XXYLT1: variants seen among roughly 807,000 people sequenced by gnomAD.
XXYLT1 encodes the protein UDP-xylose:alpha-xyloside alpha-1,3-xylosyltransferase.
XXYLT1 carries 20 observed loss-of-function variants against 28.9 expected under a neutral mutation model. That is an observed-to-expected ratio of 0.69 (90% CI 0.49 to 1.00). XXYLT1 has a LOEUF of 1.00. Ranked by LOEUF, XXYLT1 falls within the 50% of genes least tolerant of loss-of-function variation. The probability of loss-of-function intolerance (pLI) is 0.00; values close to 1 mark genes in which losing one functional copy is unlikely to be tolerated. For missense variants in XXYLT1, 542 were observed against 560.1 expected, an observed-to-expected ratio of 0.97 and a Z score of 0.33; for synonymous variants, 257 against 253.8, an observed-to-expected ratio of 1.01 and a Z score of -0.12.
chr3:195,210,060 C>T lies in XXYLT1; in HGVS notation c.652+16649G>A, dbSNP rs902724911. 4.0e-5 allele frequency among the ~76,000 whole-genome samples: 6 copies of T among 151,608 alleles called. 1 individual carries two copies. The highest frequency in any genetic ancestry group is 3.9e-4 in the East Asian group (2 of 5,182). ...GACACCATCTGGGCAGCAGCAGCTG[C>T]AGTCCAGGCTGAGGCCCCGGCCGCC... On this transcript the variant is annotated intron_variant, in intron 2 of 3. Coordinates refer to ENST00000310380, the MANE Select transcript of XXYLT1 (RefSeq NM_152531.5). This position sits in a 1 kb window ranked among gnomAD's most constrained non-coding sequence, Gnocchi z 4.8.
chr3:195,162,253 C>A (rs895819075), intron 2 of XXYLT1, among the ~76,000 whole-genome samples: 8 of 152,202 alleles, frequency 5.3e-5, no homozygotes, highest in African/African-American at 1.9e-4. Context: ...CCCTGCCTTC[C>A]GGGCTCCTGG....
chr3:195,207,575 C>T (rs1723128545), intron 2 of XXYLT1: 2 of 429,772 alleles, frequency 4.7e-6, no homozygotes, highest in Admixed American at 2.5e-5. Flanking sequence ...CCAAAGGTGC[C>T]GCCTCCTTGG....
At chr3:195,084,997 C>T (rs190469172) in intron 3 of XXYLT1, among the ~76,000 whole-genome samples, 17 of 152,270 alleles carry the variant, frequency 1.1e-4, no homozygotes, top group African/African-American at 4.1e-4. Context: ...TCCAGACCCT[C>T]GAAATGCCAA....
At position 195,069,045 on chromosome 3, in the gene XXYLT1, G is replaced by C. The variant is rs1386138963; in HGVS notation, c.*670C>G. 6.6e-6 allele frequency: 1 copy of C among 152,188 alleles called. No homozygotes were observed. Among genetic ancestry groups the C allele is most frequent in the Non-Finnish European group, 1.5e-5 (1 of 68,058 alleles). The allele number at this position is 152,188 out of a possible 1,614,324, so 9.4% of individuals were successfully genotyped here. A position where few individuals can be genotyped will look rare whatever the true frequency, so the allele number is the denominator to read the frequency against. On this transcript the variant is annotated 3_prime_UTR_variant, in exon 4 of 4. Coordinates refer to ENST00000310380, the MANE Select transcript of XXYLT1 (RefSeq NM_152531.5). ...ACAATGGGGTTCTAGGATGTAGCTG[G>C]GAGATACAAGCTGTGAGTACTCTAA...
chr3:195,154,788 C>G (rs1474900030), intron 3 of XXYLT1, among the ~76,000 whole-genome samples: 1 of 152,230 alleles, frequency 6.6e-6, no homozygotes, highest in African/African-American at 2.4e-5. Context: ...TTTTAATAAA[C>G]TTTCTCTCCT....
chr3:195,139,532 C>G (rs1191999228), intron 3 of XXYLT1, among the ~76,000 whole-genome samples: 1 of 152,244 alleles, frequency 6.6e-6, no homozygotes, highest in African/African-American at 2.4e-5. Context: ...CGCTCAGCTG[C>G]AGGCATGGGG....
intron 1 of XXYLT1, among the ~76,000 whole-genome samples, chr3:195,268,647 A>T (rs915232085): frequency 6.6e-6 from 1 of 151,656 alleles, no homozygotes; most frequent in Non-Finnish European, 1.5e-5. Flanking sequence ...CAGGACTGAT[A>T]ACCCCTTATC....
Position 195,212,203 on chromosome 3 carries a change from G to A in XXYLT1, c.652+14506C>T, listed in dbSNP as rs372535927. ...CCACCGGGAGAGTGGCCCAGGTGGA[G>A]GGAGCAGGAAGCGGGGGTGGCCACG... On this transcript the variant is annotated intron_variant, in intron 2 of 3. Coordinates refer to ENST00000310380, the MANE Select transcript of XXYLT1 (RefSeq NM_152531.5). Among the ~76,000 whole-genome samples the A allele has an allele frequency of 2.1e-3, 314 of 152,340 alleles. 2 individuals are homozygous for A. The highest frequency in any genetic ancestry group is 7.4e-3 in the African/African-American group (306 of 41,574).
intron 2 of XXYLT1, among the ~76,000 whole-genome samples, chr3:195,165,430 AC>A (rs1449598031): frequency 2.0e-5 from 3 of 152,152 alleles, no homozygotes; most frequent in Non-Finnish European, 4.4e-5. Flanking sequence ...ACCCCCAGCC[AC>A]AGCGCCTGAC....
intron 3 of XXYLT1, among the ~76,000 whole-genome samples, chr3:195,141,718 A>C (rs1189272092): frequency 6.6e-6 from 1 of 152,168 alleles, no homozygotes; most frequent in Non-Finnish European, 1.5e-5. Flanking sequence ...ATGCTCTGGG[A>C]ATCTAACGTG....
chr3:195,139,037 G>A (rs535526277), intron 3 of XXYLT1, among the ~76,000 whole-genome samples: 1 of 151,666 alleles, frequency 6.6e-6, no homozygotes, highest in South Asian at 2.1e-4. Flanking sequence ...AAAGTACAAG[G>A]GGAGCTGGTG....
chr3:195,157,345 T>G (rs1349862032), intron 2 of XXYLT1, among the ~76,000 whole-genome samples: 1 of 151,658 alleles, frequency 6.6e-6, no homozygotes, highest in African/African-American at 2.4e-5. Flanking sequence ...AAAAACATTA[T>G]GGTCTCAGGC....
intron 1 of XXYLT1, among the ~76,000 whole-genome samples, chr3:195,253,117 C>G (rs1021465584): frequency 2.6e-5 from 4 of 152,174 alleles, no homozygotes; most frequent in Non-Finnish European, 5.9e-5. Flanking sequence ...CCCAGCTGCC[C>G]GCTTTTCTCC....
chr3:195,179,530 C>G (rs751472302), intron 2 of XXYLT1, among the ~76,000 whole-genome samples: 3 of 152,030 alleles, frequency 2.0e-5, no homozygotes, highest in Non-Finnish European at 4.4e-5. Context: ...TATTTACACT[C>G]AACTTGAACA....
At chr3:195,157,080 TA>T (rs1306883394) in intron 2 of XXYLT1, among the ~76,000 whole-genome samples, 6 of 151,760 alleles carry the variant, frequency 4.0e-5, no homozygotes, top group African/African-American at 1.5e-4. Flanking sequence ...CTGTCTCTAC[TA>T]AAAATACAAA....
At chr3:195,253,688 G>A (rs1560177095) in intron 1 of XXYLT1, among the ~76,000 whole-genome samples, 1 of 151,740 alleles carries the variant, frequency 6.6e-6, no homozygotes, top group South Asian at 2.1e-4. Context: ...TAGTAGAGAC[G>A]GGGTTTCACT....
chr3:195,149,349 C>T (rs535477572), intron 3 of XXYLT1, among the ~76,000 whole-genome samples: 18 of 152,276 alleles, frequency 1.2e-4, no homozygotes, highest in African/African-American at 4.3e-4. Context: ...GGGGGGGCAA[C>T]AGGAGGAAAG....
rs150923058 is a variant in XXYLT1 at position 195,264,473 on chromosome 3, C to A, written c.504+6082G>T. 2.6e-3 allele frequency among the ~76,000 whole-genome samples: 392 copies of A among 152,358 alleles called. 1 individual carries two copies. Among genetic ancestry groups the A allele is most frequent in the African/African-American group, 8.7e-3 (361 of 41,584 alleles). On this transcript the variant is annotated intron_variant, in intron 1 of 3. Coordinates refer to ENST00000310380, the MANE Select transcript of XXYLT1 (RefSeq NM_152531.5). The stretch of plus-strand genomic sequence containing the variant: ...ATGGCACCTTATCCGTGGAGCCATC[C>A]CTGGCCACCCGTGCACCACGGCGAA...
intron 1 of XXYLT1, among the ~76,000 whole-genome samples, chr3:195,254,093 C>T (rs1725383553): frequency 1.3e-5 from 2 of 152,200 alleles, no homozygotes; most frequent in Admixed American, 1.3e-4. Flanking sequence ...GAACAAGTCC[C>T]CCAAAGACCC....
Sources: allele counts gnomAD v4.1 joint callset (sites outside exome capture counted in the v4.1 genomes callset), GRCh38; gene constraint gnomAD v4.1.1; non-coding constraint Gnocchi (gnomAD v3.1); transcripts MANE v1.5; gene names NCBI Gene and HGNC (gene_info 2026-07-23, HGNC 2026-07-21).